The following STK24 variants were observed in gnomAD, a reference collection of about 807,000 sequenced individuals.
The protein encoded by STK24 is serine/threonine kinase 24.
A neutral mutation model predicts 55.6 loss-of-function variants in STK24; 21 were observed. The ratio of observed to expected loss-of-function variants is 0.38; its 90% CI spans 0.27 to 0.54. The LOEUF (loss-of-function observed/expected upper bound fraction) is 0.54, where lower values mean the gene tolerates loss of function less well. Among genes scored for constraint, STK24 ranks in the 20% least tolerant of loss-of-function variants. STK24 has a pLI of 0.79. For synonymous variants in STK24, 200 were observed against 215.2 expected (o/e 0.93, Z 0.62); for missense variants, 383 against 538.4 (o/e 0.71, Z 2.86).
At chr13:98,564,183 T>C (rs1273968907) in intron 1 of STK24, among the ~76,000 whole-genome samples, 1 of 152,364 alleles carries the variant, frequency 6.6e-6, no homozygotes, top group African/African-American at 2.4e-5. Flanking sequence ...AATATATGTA[T>C]AGTATTACAT....
At chr13:98,459,897 G>C (rs1401788511) in intron 9 of STK24, among the ~76,000 whole-genome samples, 1 of 152,226 alleles carries the variant, frequency 6.6e-6, no homozygotes, top group Non-Finnish European at 1.5e-5. Context: ...GGGAGAGGCT[G>C]AGCAGGGAGT....
chr13:98,460,590 AAGG>A, intron 8 of STK24, 150 bp from the exon 9 acceptor site: 1 of 637,252 alleles, frequency 1.6e-6, no homozygotes, highest in South Asian at 2.0e-5. Flanking sequence ...ATAACATCTG[AAGG>A]AGACTATCGG....
intron 1 of STK24, among the ~76,000 whole-genome samples, chr13:98,538,256 C>A (rs1218215744): frequency 8.2e-6 from 1 of 121,430 alleles, no homozygotes; most frequent in Non-Finnish European, 1.6e-5. Flanking sequence ...GATGGAGTCT[C>A]GCTCTGTTGA....
chr13:98,537,497 A>T (rs1418360096), intron 1 of STK24, among the ~76,000 whole-genome samples: 1 of 152,178 alleles, frequency 6.6e-6, no homozygotes, highest in Non-Finnish European at 1.5e-5. Flanking sequence ...CTGTGGCACG[A>T]GAGGCAGACA....
Position 98,445,573 on chromosome 13 carries a change from T to C in STK24, c.*7600A>G, listed in dbSNP as rs3752974. The C allele has an allele frequency of 0.73, 111,559 of 152,412 alleles. 42,227 individuals carry two copies. Among genetic ancestry groups the C allele is most frequent in the Non-Finnish European group, 0.84 (57,600 of 68,236 alleles). 9.4% of individuals were successfully genotyped at this position (152,412 alleles called of 1,614,324 possible). On this transcript the variant is annotated 3_prime_UTR_variant, in exon 11 of 11. Coordinates refer to ENST00000539966, the MANE Select transcript of STK24 (RefSeq NM_001032296.4). ...GGCCCCACTTCCTGGGTAGGGTGCC[T>C]GGCCCCTCAAAACGAGTGCTGCTCT...
chr13:98,565,873 G>A (rs1219105987), intron 1 of STK24, among the ~76,000 whole-genome samples: 1 of 152,178 alleles, frequency 6.6e-6, no homozygotes, highest in Non-Finnish European at 1.5e-5. Flanking sequence ...CTAAATTCCA[G>A]GAAGCCAGTT....
At chr13:98,458,923 G>C (rs950075274) in intron 9 of STK24, among the ~76,000 whole-genome samples, 2 of 152,168 alleles carry the variant, frequency 1.3e-5, no homozygotes, top group Non-Finnish European at 2.9e-5. Context: ...TGAACTCTAG[G>C]GTAGCAAATA....
At chr13:98,474,776 C>T in intron 5 of STK24, 45 bp downstream of exon 5, 1 of 1,559,372 alleles carries the variant, frequency 6.4e-7, no homozygotes, top group African/African-American at 1.4e-5. Flanking sequence ...GGCGGGAGCC[C>T]TCCAGGCCTC....
intron 1 of STK24, among the ~76,000 whole-genome samples, chr13:98,548,539 C>T (rs1897083609): frequency 6.6e-6 from 1 of 152,220 alleles, no homozygotes; most frequent in Non-Finnish European, 1.5e-5. Flanking sequence ...CACTATTATT[C>T]TCCCTCGTGT....
chr13:98,557,288 TCTAA>T (rs1897308139), intron 1 of STK24, among the ~76,000 whole-genome samples: 1 of 152,218 alleles, frequency 6.6e-6, no homozygotes, highest in Non-Finnish European at 1.5e-5. Context: ...GACCCATATT[TCTAA>T]CTGCCTGTTC....
chr13:98,535,569 G>C (rs2139410096), intron 1 of STK24, among the ~76,000 whole-genome samples: 1 of 152,180 alleles, frequency 6.6e-6, no homozygotes, highest in South Asian at 2.1e-4. Flanking sequence ...AACAGTGGCA[G>C]CTCCCACTGC....
intron 1 of STK24, among the ~76,000 whole-genome samples, chr13:98,547,564 T>C (rs760039905): frequency 2.0e-5 from 3 of 152,182 alleles, no homozygotes; most frequent in Non-Finnish European, 4.4e-5. Context: ...ACAAAATTAA[T>C]GACCAACTAT....
rs1892966485 is a variant in STK24, at chr13:98,448,058, G to A, written c.*5115C>T. On this transcript the variant is annotated 3_prime_UTR_variant, in exon 11 of 11. Coordinates refer to ENST00000539966, the MANE Select transcript of STK24 (RefSeq NM_001032296.4). ...ACTGAGTGAGTGCCCAGGCCAGTGG[G>A]TCTCCACTGTACCTCAGGAACGCCT... The A allele has an allele frequency of 1.6e-6, 1 of 628,120 alleles. No individual in the cohort carries two copies. The highest frequency in any genetic ancestry group is 2.9e-6 in the Non-Finnish European group (1 of 345,864). 38.9% of individuals were successfully genotyped at this position (628,120 alleles called of 1,614,324 possible).
rs1357577575 is a variant in STK24, at chr13:98,446,712, C to T, written c.*6461G>A. On this transcript the variant is annotated 3_prime_UTR_variant, in exon 11 of 11. Coordinates refer to ENST00000539966, the MANE Select transcript of STK24 (RefSeq NM_001032296.4). ...CTGCCTCTGCTCGGCTACTCGCTCA[C>T]CATCCCCTCTGAGTCCGAGAACATC... 6.2e-7 allele frequency: 1 copy of T among 1,614,212 alleles called. No individual in the cohort carries two copies. The highest frequency in any genetic ancestry group is 8.5e-7 in the Non-Finnish European group (1 of 1,180,040).
At chr13:98,484,486 T>C (rs865992417) in intron 2 of STK24, among the ~76,000 whole-genome samples, 2 of 152,182 alleles carry the variant, frequency 1.3e-5, no homozygotes, top group South Asian at 4.1e-4. Context: ...AGCTGTGCAA[T>C]ATGACACCCT....
intron 1 of STK24, among the ~76,000 whole-genome samples, chr13:98,537,161 T>A (rs1896759363): frequency 6.6e-6 from 1 of 152,168 alleles, no homozygotes; most frequent in African/African-American, 2.4e-5. Context: ...AAGACCTACC[T>A]CTGAAGGAGC....
intron 2 of STK24, among the ~76,000 whole-genome samples, chr13:98,488,160 GACACACACACACACACAC>G (rs71213678): frequency 2.1e-4 from 27 of 130,406 alleles, no homozygotes; most frequent in East Asian, 4.6e-4. Context: ...AAGAGATGAA[GACACACACACACACACAC>G]ACACACACAC....
At chr13:98,531,239 C>T (rs115078195) in intron 1 of STK24, among the ~76,000 whole-genome samples, 2 of 152,154 alleles carry the variant, frequency 1.3e-5, no homozygotes, top group Non-Finnish European at 2.9e-5. Flanking sequence ...CTTTCCAATA[C>T]GCCCTCCCAA....
At chr13:98,529,696 A>G (rs1393067558) in intron 1 of STK24, among the ~76,000 whole-genome samples, 1 of 151,874 alleles carries the variant, frequency 6.6e-6, no homozygotes, top group Non-Finnish European at 1.5e-5. Flanking sequence ...CAAACAAACC[A>G]CCAAACAGGG....
Sources: gnomAD v4.1 joint callset for allele counts (sites outside exome capture counted in the v4.1 genomes callset) on GRCh38, gnomAD v4.1.1 for gene constraint, MANE v1.5 for transcripts, NCBI Gene and HGNC (gene_info 2026-07-23, HGNC 2026-07-21) for gene names.